PPFIA2: variants seen among roughly 807,000 people sequenced by gnomAD.
PPFIA2 encodes liprin-alpha-2.
In PPFIA2, 46 loss-of-function variants were observed where a neutral mutation model predicts 175.5. The observed-to-expected ratio is 0.26, with a 90% confidence interval of 0.21 to 0.34. The LOEUF is 0.34. Ranked by LOEUF, PPFIA2 falls within the 10% of genes least tolerant of loss-of-function variation. The probability of loss-of-function intolerance (pLI) is 1.00; values close to 1 mark genes in which losing one functional copy is unlikely to be tolerated. For missense variants in PPFIA2, 1,179 were observed against 1,506.1 expected, an observed-to-expected ratio of 0.78 and a Z score of 3.60; for synonymous variants, 568 against 511.4, an observed-to-expected ratio of 1.11 and a Z score of -1.49.
chr12:81,335,569 C>A (rs184272130), intron 21 of PPFIA2, among the ~76,000 whole-genome samples: 212 of 152,100 alleles, frequency 1.4e-3, no homozygotes, highest in African/African-American at 4.8e-3. Context: ...CATGGTGAAA[C>A]CCCATCTCTA....
chr12:81,519,958 A>G (rs1031404309), intron 4 of PPFIA2, among the ~76,000 whole-genome samples: 3 of 152,218 alleles, frequency 2.0e-5, no homozygotes, highest in Non-Finnish European at 4.4e-5. Flanking sequence ...ATAAAATAGG[A>G]CAATTATAAC....
At chr12:81,459,231 C>T (rs796853429) in intron 4 of PPFIA2, among the ~76,000 whole-genome samples, 2 of 152,108 alleles carry the variant, frequency 1.3e-5, no homozygotes, top group African/African-American at 4.8e-5. Context: ...TGCTAATACT[C>T]TGAGCATATT....
At chr12:81,664,566 G>A (rs1156333787) in intron 4 of PPFIA2, among the ~76,000 whole-genome samples, 1 of 152,032 alleles carries the variant, frequency 6.6e-6, no homozygotes, top group Non-Finnish European at 1.5e-5. Flanking sequence ...TGGAGAAATA[G>A]GAACACTTTT....
At position 81,384,254 on chromosome 12, in the gene PPFIA2, T is replaced by C. The variant is rs375379480; in HGVS notation, c.763-10A>G. 12 of 1,451,664 alleles carry C rather than the reference T, an allele frequency of 8.3e-6. No individual in the cohort carries two copies. Among genetic ancestry groups the C allele is most frequent in the East Asian group, 2.5e-5 (1 of 39,478 alleles). 89.9% of individuals were successfully genotyped at this position (1,451,664 alleles called of 1,614,324 possible). ...AACCATTGGACAAACGCTGCAGAAATAGAAAAAGAAATGGCACTTAAGAAT... is the reference window on the plus strand; with the variant it reads ...AACCATTGGACAAACGCTGCAGAAACAGAAAAAGAAATGGCACTTAAGAAT... On this transcript the variant is annotated splice_polypyrimidine_tract_variant and intron_variant, in intron 8 of 32. Coordinates refer to ENST00000549396, the MANE Select transcript of PPFIA2 (RefSeq NM_003625.5).
intron 4 of PPFIA2, among the ~76,000 whole-genome samples, chr12:81,632,980 T>C (rs2063568378): frequency 6.6e-6 from 1 of 152,056 alleles, no homozygotes; most frequent in South Asian, 2.1e-4. Context: ...TCTGCCTGAC[T>C]AGGAAAAGTA....
rs2035700226 is a variant in PPFIA2, at chr12:81,261,918, T to G, written c.*33+31A>C. ...TGTAGGTTCCATTTTTTTGTCTTTT[T>G]TTTTTTGTCAGCCAAAGGGAAACTA... On this transcript the variant is annotated intron_variant, in intron 32 of 32. Coordinates refer to ENST00000549396, the MANE Select transcript of PPFIA2 (RefSeq NM_003625.5). 1.1e-5 allele frequency: 16 copies of G among 1,455,344 alleles called. 1 individual carries two copies. Among genetic ancestry groups the G allele is most frequent in the East Asian group, 2.4e-5 (1 of 41,156 alleles). 90.2% of individuals were successfully genotyped at this position (1,455,344 alleles called of 1,614,324 possible). A position where few individuals can be genotyped will look rare whatever the true frequency, so the allele number is the denominator to read the frequency against.
intron 4 of PPFIA2, among the ~76,000 whole-genome samples, chr12:81,517,429 C>T (rs1394612017): frequency 6.6e-6 from 1 of 152,122 alleles, no homozygotes; most frequent in Non-Finnish European, 1.5e-5. Context: ...ACAGCCTGCA[C>T]CAGTGAAAAT....
chr12:81,711,471 T>G (rs1327393592), intron 3 of PPFIA2, among the ~76,000 whole-genome samples: 1 of 151,322 alleles, frequency 6.6e-6, no homozygotes, highest in African/African-American at 2.4e-5. Flanking sequence ...ATCTATCTAT[T>G]TATCTATCTA....
chr12:81,652,407 G>A (rs2067159813), intron 4 of PPFIA2, among the ~76,000 whole-genome samples: 1 of 151,412 alleles, frequency 6.6e-6, no homozygotes, highest in Admixed American at 6.6e-5. Context: ...ACAACACAAA[G>A]ACTAAAGACC....
intron 3 of PPFIA2, among the ~76,000 whole-genome samples, chr12:81,748,141 C>T (rs1217470855): frequency 1.4e-5 from 2 of 144,232 alleles, no homozygotes; most frequent in African/African-American, 4.9e-5. Flanking sequence ...GGACATTACC[C>T]ATCCCTGACC....
chr12:81,324,073 A>G (rs1222030238), intron 22 of PPFIA2, among the ~76,000 whole-genome samples: 2 of 152,044 alleles, frequency 1.3e-5, no homozygotes, highest in African/African-American at 4.8e-5. Context: ...TACATAACAC[A>G]TCTTACAGTT....
intron 24 of PPFIA2, among the ~76,000 whole-genome samples, chr12:81,294,326 C>T (rs1451896167): frequency 6.6e-6 from 1 of 151,972 alleles, no homozygotes; most frequent in Non-Finnish European, 1.5e-5. Context: ...AATGTAGTCA[C>T]TTAAGCCTTG....
intron 1 of PPFIA2, 25 bp downstream of exon 1, chr12:81,759,255 G>C (rs1389094168): frequency 2.7e-5 from 4 of 149,030 alleles, no homozygotes; most frequent in African/African-American, 9.9e-5. Context: ...CTCTTTGCTT[G>C]CTTCAATTGG....
chr12:81,658,474 T>C (rs558110303), intron 4 of PPFIA2, among the ~76,000 whole-genome samples: 4 of 152,174 alleles, frequency 2.6e-5, no homozygotes, highest in African/African-American at 7.2e-5. Context: ...TGAGTAATTA[T>C]ATGTATAAAG....
intron 17 of PPFIA2, among the ~76,000 whole-genome samples, chr12:81,351,107 G>C (rs2059924448): frequency 6.6e-6 from 1 of 152,038 alleles, no homozygotes; most frequent in Non-Finnish European, 1.5e-5. Flanking sequence ...AAGTATCAGA[G>C]TGCCAACATT....
At chr12:81,483,347 G>T (rs575394238) in intron 4 of PPFIA2, among the ~76,000 whole-genome samples, 1 of 152,108 alleles carries the variant, frequency 6.6e-6, no homozygotes, top group Non-Finnish European at 1.5e-5. Context: ...AATTTGTACA[G>T]CCATGCAGTG....
chr12:81,261,371 C>T (rs999847658), intron 32 of PPFIA2, among the ~76,000 whole-genome samples: 1 of 152,114 alleles, frequency 6.6e-6, no homozygotes, highest in African/African-American at 2.4e-5. Context: ...AGTGCAACAC[C>T]ATGCCTGGCT....
intron 4 of PPFIA2, among the ~76,000 whole-genome samples, chr12:81,607,288 C>CT (rs2060428251): frequency 6.6e-6 from 1 of 152,020 alleles, no homozygotes; most frequent in Non-Finnish European, 1.5e-5. Context: ...TATTTGGGCT[C>CT]TTTTTTGGTT....
intron 4 of PPFIA2, among the ~76,000 whole-genome samples, chr12:81,620,995 C>T (rs1343372932): frequency 4.0e-5 from 6 of 151,874 alleles, no homozygotes; most frequent in South Asian, 2.1e-4. Flanking sequence ...GTGAGCAAAA[C>T]GGGAAAAAAA....
Sources: allele counts gnomAD v4.1 joint callset (sites outside exome capture counted in the v4.1 genomes callset), GRCh38; gene constraint gnomAD v4.1.1; transcripts MANE v1.5; gene names NCBI Gene and HGNC (gene_info 2026-07-23, HGNC 2026-07-21).